The following ZNF365 variants were observed in gnomAD, a reference collection of about 807,000 sequenced individuals.
ZNF365 encodes protein ZNF365.
A neutral mutation model predicts 35.0 loss-of-function variants in ZNF365; 22 were observed. The observed-to-expected ratio is 0.63, with a 90% CI of 0.45 to 0.90. ZNF365 has a LOEUF of 0.90. Among genes scored for constraint, ZNF365 ranks in the 40% least tolerant of loss-of-function variants. ZNF365 has a pLI of 0.00. For missense variants in ZNF365, 448 were observed against 500.3 expected, an observed-to-expected ratio of 0.90 and a Z score of 1.00; for synonymous variants, 188 against 196.2, an observed-to-expected ratio of 0.96 and a Z score of 0.35.
chr10:62,398,277 A>G (rs1028429471), intron 3 of ZNF365, among the ~76,000 whole-genome samples: 3 of 152,226 alleles, frequency 2.0e-5, no homozygotes, highest in Non-Finnish European at 4.4e-5. Flanking sequence ...ATAAAATGGA[A>G]TGAAATAATG....
chr10:62,475,765 G>A (rs1359518410), intron 4 of ZNF365, among the ~76,000 whole-genome samples: 1 of 152,198 alleles, frequency 6.6e-6, no homozygotes. Flanking sequence ...GCCTTGTTTT[G>A]AGAAGAAGCT....
At chr10:62,388,613 C>T in intron 3 of ZNF365, 37 bp downstream of exon 3, 1 of 1,608,016 alleles carries the variant, frequency 6.2e-7, no homozygotes, top group South Asian at 1.1e-5. Flanking sequence ...GTGTAAGATC[C>T]CTGTGGTTGG....
intron 3 of ZNF365, among the ~76,000 whole-genome samples, chr10:62,409,299 C>T (rs943994206): frequency 2.0e-5 from 3 of 152,122 alleles, no homozygotes; most frequent in Non-Finnish European, 2.9e-5. Context: ...TTTCAGTAGA[C>T]CAATTCAGTG....
At chr10:62,381,477 C>T (rs1175666283) in intron 2 of ZNF365, among the ~76,000 whole-genome samples, 1 of 152,126 alleles carries the variant, frequency 6.6e-6, no homozygotes, top group Admixed American at 6.6e-5. Flanking sequence ...CAGCCAGACT[C>T]CTGAAAATGT....
Position 62,425,230 on chromosome 10 carries a change from T to C in ZNF365, c.925-34511T>C, listed in dbSNP as rs546713252. ...ATGGAGTGGAGATAACCTTCCTAGATAAGACACAGAGTCTAGAAGCCATTA... is the reference window on the plus strand; with the variant it reads ...ATGGAGTGGAGATAACCTTCCTAGACAAGACACAGAGTCTAGAAGCCATTA... On this transcript the variant is annotated intron_variant, in intron 3 of 4. Transcript: ENST00000395255. 1.1e-4 allele frequency among the ~76,000 whole-genome samples: 16 copies of C among 152,248 alleles called. No homozygotes were observed. The South Asian group carries it at 3.3e-3, about 32-fold the overall frequency.
chr10:62,470,239 C>T (rs181767381), intron 4 of ZNF365, among the ~76,000 whole-genome samples: 6 of 152,282 alleles, frequency 3.9e-5, no homozygotes, highest in Non-Finnish European at 5.9e-5. Context: ...AATGAGCAAG[C>T]CACCACCATG....
intron 3 of ZNF365, among the ~76,000 whole-genome samples, chr10:62,456,919 G>A (rs987969976): frequency 2.0e-5 from 3 of 152,166 alleles, no homozygotes; most frequent in Non-Finnish European, 2.9e-5. Context: ...GGTTGGCTGA[G>A]GTCAGATGAT....
chr10:62,390,720 T>C (rs545764110), intron 3 of ZNF365, among the ~76,000 whole-genome samples: 1 of 152,204 alleles, frequency 6.6e-6, no homozygotes, highest in Non-Finnish European at 1.5e-5. Context: ...ACCTACATGG[T>C]ATAGCCCACC....
In ZNF365 at chr10:62,376,531, A is replaced by G. The variant is rs1839333147; in HGVS notation, c.338A>G (p.Lys113Arg). 1.9e-6 allele frequency: 3 copies of G among 1,614,118 alleles called. No individual in the cohort carries two copies. The highest frequency in any genetic ancestry group is 2.5e-6 in the Non-Finnish European group (3 of 1,180,048). The change falls in exon 2 of 5, where the codon AAG becomes AGG. Residue 113 changes from lysine to arginine, a missense_variant. Coordinates refer to ENST00000395254, the MANE Select transcript of ZNF365 (RefSeq NM_014951.3). Reference protein sequence around the residue: ...SISHEHSKDRKPFEVVAERPV... With the variant: ...SISHEHSKDRRPFEVVAERPV... ...TCACATGAACATTCCAAGGACAGGA[A>G]GCCATTTGAGGTGGTGGCAGAGAGG... is the stretch of plus-strand genomic sequence containing the variant.
intron 4 of ZNF365, among the ~76,000 whole-genome samples, chr10:62,466,668 C>A (rs1840948495): frequency 6.6e-6 from 1 of 152,084 alleles, no homozygotes; most frequent in African/African-American, 2.4e-5. Context: ...ATAGCTCTAG[C>A]CTTTGTATTG....
intron 3 of ZNF365, among the ~76,000 whole-genome samples, chr10:62,419,270 C>G (rs962678146): frequency 1.3e-5 from 2 of 152,150 alleles, no homozygotes; most frequent in East Asian, 1.9e-4. Context: ...ACTATGTTTG[C>G]AAACTTAGAC....
At chr10:62,404,750 T>G (rs1839880181), downstream of ZNF365, among the ~76,000 whole-genome samples, 1 of 152,228 alleles carries the variant, frequency 6.6e-6, no homozygotes, top group Admixed American at 6.5e-5. Context: ...CCAAAAATAC[T>G]TGTAGTCTTG....
chr10:62,445,860 C>T (rs7915012), intron 3 of ZNF365, among the ~76,000 whole-genome samples: 342 of 152,228 alleles, frequency 2.2e-3, no homozygotes, highest in African/African-American at 8.1e-3. Context: ...ATGGTAGGGT[C>T]CCCATATGTG....
chr10:62,471,466 A>G (rs1460606283), intron 4 of ZNF365, among the ~76,000 whole-genome samples: 1 of 152,220 alleles, frequency 6.6e-6, no homozygotes, highest in African/African-American at 2.4e-5. Flanking sequence ...TATTGAAAAC[A>G]AAAACTGAGG....
chr10:62,423,678 A>G (rs1345743049), intron 3 of ZNF365, among the ~76,000 whole-genome samples: 1 of 152,176 alleles, frequency 6.6e-6, no homozygotes, highest in Admixed American at 6.5e-5. Context: ...ACCCAAAAGG[A>G]GCATGTAAAT....
chr10:62,396,958 TTGAC>T (rs1360645866), intron 3 of ZNF365, among the ~76,000 whole-genome samples: 1 of 152,224 alleles, frequency 6.6e-6, no homozygotes, highest in Non-Finnish European at 1.5e-5. Context: ...AATTTATACA[TTGAC>T]TGAAGTTCAC....
At chr10:62,443,191 G>A (rs1413167010) in intron 3 of ZNF365, among the ~76,000 whole-genome samples, 1 of 152,242 alleles carries the variant, frequency 6.6e-6, no homozygotes. Flanking sequence ...CAGCACTGAA[G>A]CAGTGAATAA....
chr10:62,389,512 A>T (rs1195746629), intron 3 of ZNF365, among the ~76,000 whole-genome samples: 9 of 151,928 alleles, frequency 5.9e-5, no homozygotes, highest in Admixed American at 5.9e-4. Flanking sequence ...GGCAACATTT[A>T]TGCCGATCAA....
chr10:62,404,624 A>G (rs1185482938), downstream of ZNF365, among the ~76,000 whole-genome samples: 1 of 152,112 alleles, frequency 6.6e-6, no homozygotes, highest in Non-Finnish European at 1.5e-5. Flanking sequence ...GTCTGCCCTT[A>G]TAGTTGACCC....
Sources: gnomAD v4.1 joint callset for allele counts (sites outside exome capture counted in the v4.1 genomes callset) on GRCh38, gnomAD v4.1.1 for gene constraint, MANE v1.5 for transcripts, NCBI Gene and HGNC (gene_info 2026-07-23, HGNC 2026-07-21) for gene names.